SAXO5: variants seen among roughly 807,000 people sequenced by gnomAD.
SAXO5 encodes stabilizer of axonemal microtubules 5, also known as testis expressed 45.
chr19:7,501,780 C>T, the SAXO5 span, among the ~76,000 whole-genome samples: 1 of 151,744 alleles, frequency 6.6e-6, no homozygotes. Flanking sequence ...GAGATTGTGC[C>T]ACCGCATTCC....
At chr19:7,503,568 T>A in the SAXO5 span, among the ~76,000 whole-genome samples, 6 of 151,922 alleles carry the variant, frequency 3.9e-5, no homozygotes, top group Admixed American at 3.9e-4. Flanking sequence ...CACTGCAACC[T>A]CCACCTCCCA....
the SAXO5 span, chr19:7,506,655 C>G: frequency 8.5e-6 from 3 of 350,960 alleles, no homozygotes; most frequent in Non-Finnish European, 1.6e-5. Context: ...GGTTCCTCCC[C>G]TAGCTCCTCC....
At chr19:7,505,582 G>C in the SAXO5 span, 2 of 1,614,060 alleles carry the variant, frequency 1.2e-6, no homozygotes, top group Non-Finnish European at 8.5e-7. Context: ...TTGGTGCCCC[G>C]GCCCCGGCAG....
the SAXO5 span, among the ~76,000 whole-genome samples, chr19:7,501,861 G>A: frequency 9.5e-5 from 13 of 136,630 alleles, no homozygotes; most frequent in African/African-American, 2.7e-4. Context: ...AAAGAAGAAA[G>A]AGAGAGAGAG....
At chr19:7,500,908 G>C in the SAXO5 span, 1 of 1,583,668 alleles carries the variant, frequency 6.3e-7, no homozygotes, top group African/African-American at 1.4e-5. Context: ...TTCTCGCTGG[G>C]GCCTGACCTG....
At chr19:7,500,369 T>G in the SAXO5 span, among the ~76,000 whole-genome samples, 8 of 152,078 alleles carry the variant, frequency 5.3e-5, no homozygotes, top group Non-Finnish European at 1.2e-4. Context: ...TGGCACAATC[T>G]CGGCTCACTG....
At chr19:7,498,606 G>C in the SAXO5 span, among the ~76,000 whole-genome samples, 1 of 152,074 alleles carries the variant, frequency 6.6e-6, no homozygotes, top group Non-Finnish European at 1.5e-5. Context: ...ATGTTGGTCA[G>C]GCTGGTCTTG....
At chr19:7,508,009 G>T in the SAXO5 span, among the ~76,000 whole-genome samples, 1 of 152,072 alleles carries the variant, frequency 6.6e-6, no homozygotes, top group East Asian at 1.9e-4. Context: ...TCTGGCCATA[G>T]CCTCGCCCCT....
chr19:7,505,678 C>A, the SAXO5 span: 2 of 1,536,704 alleles, frequency 1.3e-6, no homozygotes, highest in Non-Finnish European at 1.8e-6. Flanking sequence ...CCAGACAGAG[C>A]AAATAGCAGG....
the SAXO5 span, among the ~76,000 whole-genome samples, chr19:7,504,827 G>C: frequency 3.3e-5 from 5 of 152,132 alleles, no homozygotes; most frequent in Admixed American, 2.0e-4. Context: ...CTGCCTCTGA[G>C]GTCTCTGTCA....
the SAXO5 span, chr19:7,504,488 A>G: frequency 6.6e-6 from 8 of 1,206,114 alleles, no homozygotes; most frequent in East Asian, 1.9e-4. Context: ...CAGACAGATC[A>G]TGAGGTCAGG....
chr19:7,507,104 C>T, the SAXO5 span: 1 of 1,614,094 alleles, frequency 6.2e-7, no homozygotes, highest in Non-Finnish European at 8.5e-7. Context: ...CCACACAGAA[C>T]ACCTCCGGCC....
chr19:7,506,817 T>G, the SAXO5 span: 2 of 344,334 alleles, frequency 5.8e-6, no homozygotes, highest in South Asian at 4.8e-5. Flanking sequence ...CTCCTCCCTC[T>G]TCCCCAGCGC....
the SAXO5 span, chr19:7,500,989 C>A: frequency 1.1e-5 from 17 of 1,536,038 alleles, no homozygotes; most frequent in Non-Finnish European, 1.5e-5. Context: ...ACCCGGGAGC[C>A]GCCGAGCCTG....
chr19:7,508,439 T>G, the SAXO5 span: 2 of 1,602,592 alleles, frequency 1.2e-6, no homozygotes, highest in South Asian at 1.1e-5. Flanking sequence ...AAATGCCATC[T>G]TGGCAACATT....
the SAXO5 span, chr19:7,508,345 G>A: frequency 6.2e-7 from 1 of 1,613,918 alleles, no homozygotes. Flanking sequence ...GTGCCCCTGG[G>A]CACGCCTCAC....
At chr19:7,506,595 A>ACAGACTCC in the SAXO5 span, 1 of 311,002 alleles carries the variant, frequency 3.2e-6, no homozygotes, top group Non-Finnish European at 6.1e-6. Context: ...CCACAGACTC[A>ACAGACTCC]TCTGGCCCGG....
At chr19:7,505,947 G>A in the SAXO5 span, 1 of 1,551,382 alleles carries the variant, frequency 6.4e-7, no homozygotes. Context: ...GCTTTCAAAT[G>A]CCATGTGGTC....
At chr19:7,505,756 T>G in the SAXO5 span, 8 of 1,012,608 alleles carry the variant, frequency 7.9e-6, no homozygotes, top group South Asian at 1.2e-4. Flanking sequence ...ACTTGAGTGA[T>G]CTAGGGCGAG....
Sources: gnomAD v4.1 joint callset for allele counts (sites outside exome capture counted in the v4.1 genomes callset) on GRCh38, gnomAD v4.1.1 for gene constraint, MANE v1.5 for transcripts, NCBI Gene and HGNC (gene_info 2026-07-23, HGNC 2026-07-21) for gene names.